Variants in FDFT1 observed in about 807,000 individuals in gnomAD.
FDFT1 encodes farnesyl-diphosphate farnesyltransferase 1.
Under a neutral mutation model 46.8 loss-of-function variants are expected in FDFT1, and 68 were observed. The ratio of observed to expected loss-of-function variants is 1.45; its 90% CI spans 1.19 to 1.78. The LOEUF is 1.78. Ranked by LOEUF, FDFT1 falls within the 40% of genes most tolerant of loss-of-function variation. The probability of loss-of-function intolerance (pLI) is 0.00; values close to 1 mark genes in which losing one functional copy is unlikely to be tolerated. For missense variants in FDFT1, 928 were observed against 524.4 expected (o/e 1.77, Z -7.52); for synonymous variants, 351 against 185.1 (o/e 1.90, Z -7.28).
intron 3 of FDFT1, among the ~76,000 whole-genome samples, chr8:11,813,381 T>C (rs1808002406): frequency 6.6e-6 from 1 of 152,226 alleles, no homozygotes; most frequent in Non-Finnish European, 1.5e-5. Context: ...TTACTAAATA[T>C]ATTTCATCGT....
chr8:11,817,854 A>G (rs79180062), intron 3 of FDFT1, among the ~76,000 whole-genome samples: 78,566 of 151,020 alleles, frequency 0.52, 22,455 homozygotes, highest in East Asian at 0.79. Flanking sequence ...TTGTGTGTCT[A>G]TCTCTTTCAG....
rs764843805 is a variant in FDFT1 at position 11,809,339 on chromosome 8, C to T, written c.198-328C>T. ...AGAAGTTACTGTGTTTTTTGACTTT[C>T]TTTTCTATTTGCTACATATTAGTTC... On this transcript the variant is annotated intron_variant, in intron 2 of 7. Coordinates refer to ENST00000220584, the MANE Select transcript of FDFT1 (RefSeq NM_004462.5). The T allele has an allele frequency of 9.1e-6, 10 of 1,099,126 alleles. No individual in the cohort carries two copies. In the African/African-American group the frequency reaches 1.5e-4, roughly 16 times the overall value. The allele number at this position is 1,099,126 out of a possible 1,614,324, so 68.1% of individuals were successfully genotyped here.
chr8:11,838,371 T>A lies in FDFT1; in HGVS notation c.1033-17T>A. ...AAAGCACATAGCACTTATCATTTTT[T>A]CCTGTGTCTTTAACAGATTTATCAT... On this transcript the variant is annotated splice_polypyrimidine_tract_variant and intron_variant, in intron 7 of 7. Coordinates refer to ENST00000220584, the MANE Select transcript of FDFT1 (RefSeq NM_004462.5). 1.3e-6 allele frequency: 2 copies of A among 1,599,714 alleles called. No homozygotes were observed. The highest frequency in any genetic ancestry group is 1.7e-6 in the Non-Finnish European group (2 of 1,166,884).
At chr8:11,824,924 ACG>A (rs1264570595) in intron 4 of FDFT1, among the ~76,000 whole-genome samples, 4 of 151,614 alleles carry the variant, frequency 2.6e-5, no homozygotes, top group Admixed American at 6.6e-5. Context: ...TTTAGTAGAG[ACG>A]GGGTTTCACC....
At chr8:11,806,329 G>A (rs979704430) in intron 1 of FDFT1, among the ~76,000 whole-genome samples, 1 of 152,168 alleles carries the variant, frequency 6.6e-6, no homozygotes, top group African/African-American at 2.4e-5. Flanking sequence ...TGGGAATCAA[G>A]CAGTAGAAAT....
At chr8:11,828,866 T>G (rs956264470) in intron 5 of FDFT1, among the ~76,000 whole-genome samples, 2 of 152,262 alleles carry the variant, frequency 1.3e-5, no homozygotes, top group African/African-American at 2.4e-5. Flanking sequence ...CGCCTAGTAT[T>G]ATTCCACTGT....
At chr8:11,838,362 A>G (rs1179219248) in intron 7 of FDFT1, 26 bp from the exon 8 acceptor site, 5 of 1,562,120 alleles carry the variant, frequency 3.2e-6, no homozygotes, top group Middle Eastern at 1.7e-4. Context: ...CATAGCACTT[A>G]TCATTTTTTC....
chr8:11,800,849 CT>C (rs1806044945), upstream of FDFT1, among the ~76,000 whole-genome samples: 1 of 152,178 alleles, frequency 6.6e-6, no homozygotes, highest in Non-Finnish European at 1.5e-5. Flanking sequence ...ACCGTCATGG[CT>C]GGAAACTAAG....
intron 2 of FDFT1, chr8:11,809,281 C>G (rs984601642): frequency 9.1e-7 from 1 of 1,100,250 alleles, no homozygotes; most frequent in Non-Finnish European, 1.1e-6. Context: ...GAACTTAGAC[C>G]AGTTGCCTTT....
At chr8:11,820,494 G>A (rs1585936361) in intron 3 of FDFT1, among the ~76,000 whole-genome samples, 1 of 151,700 alleles carries the variant, frequency 6.6e-6, no homozygotes, top group Non-Finnish European at 1.5e-5. Flanking sequence ...CTGAGCTGCG[G>A]TGGGCTCCAC....
At chr8:11,809,200 A>G in intron 2 of FDFT1, 1 of 1,215,174 alleles carries the variant, frequency 8.2e-7, no homozygotes, top group East Asian at 4.3e-5. Flanking sequence ...TCCCTTATCC[A>G]ACTTTGCATT....
At chr8:11,802,605 C>T (rs368877328), upstream of FDFT1, 5 of 600,928 alleles carry the variant, frequency 8.3e-6, no homozygotes, top group East Asian at 8.8e-5. Flanking sequence ...GTGAGCGGCC[C>T]TGGCCAATCA....
At chr8:11,817,699 A>G (rs1386101850) in intron 3 of FDFT1, among the ~76,000 whole-genome samples, 2 of 151,978 alleles carry the variant, frequency 1.3e-5, no homozygotes, top group Admixed American at 1.3e-4. Context: ...TTTCTGTGGG[A>G]TTGGTGGTGA....
chr8:11,821,604 AAAAC>A (rs1362359662), intron 3 of FDFT1, 142 bp from the exon 4 acceptor site: 7 of 966,704 alleles, frequency 7.2e-6, no homozygotes, highest in South Asian at 6.0e-5. Flanking sequence ...AACAAAAACA[AAAAC>A]AAAAAAAATG....
Position 11,838,939 on chromosome 8 carries a change from A to C in FDFT1, c.*330A>C. ...ACTTAGTATGATCCTGGCTAGAATGATAATTAAAAGTATTTAATTTGAAGC... is the reference window on the plus strand; with the variant it reads ...ACTTAGTATGATCCTGGCTAGAATGCTAATTAAAAGTATTTAATTTGAAGC... On this transcript the variant is annotated 3_prime_UTR_variant, in exon 8 of 8. Coordinates refer to ENST00000220584, the MANE Select transcript of FDFT1 (RefSeq NM_004462.5). 2 of 250,128 alleles carry C rather than the reference A, an allele frequency of 8.0e-6. No homozygotes were observed. The highest frequency in any genetic ancestry group is 7.8e-6 in the Non-Finnish European group (1 of 128,734). The allele number at this position is 250,128 out of a possible 1,614,324, so 15.5% of individuals were successfully genotyped here. A position where few individuals can be genotyped will look rare whatever the true frequency, so the allele number is the denominator to read the frequency against.
intron 7 of FDFT1, among the ~76,000 whole-genome samples, chr8:11,834,613 C>G (rs1811290468): frequency 6.6e-6 from 1 of 152,154 alleles, no homozygotes; most frequent in Admixed American, 6.5e-5. Flanking sequence ...CAGAATCTGC[C>G]TTTTTTTCCC....
At chr8:11,800,115 C>G (rs1321298060), upstream of FDFT1, among the ~76,000 whole-genome samples, 7 of 146,900 alleles carry the variant, frequency 4.8e-5, no homozygotes, top group Non-Finnish European at 1.5e-5. Context: ...GAAAAATTAC[C>G]CAGGCGTGGT....
At chr8:11,810,785 C>G (rs1807607511) in intron 3 of FDFT1, among the ~76,000 whole-genome samples, 1 of 151,844 alleles carries the variant, frequency 6.6e-6, no homozygotes, top group African/African-American at 2.4e-5. Context: ...CCCTTTTTGT[C>G]CACAGTTGCC....
intron 3 of FDFT1, among the ~76,000 whole-genome samples, chr8:11,812,409 G>C (rs1464071350): frequency 6.6e-6 from 1 of 152,202 alleles, no homozygotes; most frequent in Admixed American, 6.5e-5. Flanking sequence ...CGAGGGCTGG[G>C]ATATCCTCTC....
Sources: gnomAD v4.1 joint callset for allele counts (sites outside exome capture counted in the v4.1 genomes callset) on GRCh38, gnomAD v4.1.1 for gene constraint, MANE v1.5 for transcripts, NCBI Gene and HGNC (gene_info 2026-07-23, HGNC 2026-07-21) for gene names.